The following ZNF44 variants were observed in gnomAD, a reference collection of about 807,000 sequenced individuals.
The protein encoded by ZNF44 is gonadotropin inducible transcription repressor-2.
ZNF44 carries 9 observed loss-of-function variants against 11.7 expected under a neutral mutation model. The observed-to-expected ratio is 0.77, with a 90% CI of 0.46 to 1.35. The LOEUF is 1.35. ZNF44 is among the 40% of genes most tolerant of loss of function. The pLI, the probability that ZNF44 is intolerant of heterozygous loss-of-function variation, is 0.00. For synonymous variants in ZNF44, 224 were observed against 242.7 expected (o/e 0.92, Z 0.72); for missense variants, 696 against 743.1 (o/e 0.94, Z 0.74).
At chr19:12,264,590 GAAGTT>G (rs1356370468) in intron 5 of ZNF44, among the ~76,000 whole-genome samples, 21 of 152,266 alleles carry the variant, frequency 1.4e-4, no homozygotes, top group African/African-American at 5.1e-4. Flanking sequence ...TTTGGAAAAT[GAAGTT>G]AATTATAAAT....
At chr19:12,262,251 A>G (rs1194728479) in intron 5 of ZNF44, among the ~76,000 whole-genome samples, 2 of 152,160 alleles carry the variant, frequency 1.3e-5, no homozygotes, top group Non-Finnish European at 1.5e-5. Flanking sequence ...TATCAATTAA[A>G]ATAAAAATTC....
At chr19:12,286,724 G>A (rs144868075) in intron 1 of ZNF44, among the ~76,000 whole-genome samples, 1 of 151,350 alleles carries the variant, frequency 6.6e-6, no homozygotes, top group East Asian at 1.9e-4. Context: ...GCTGAGGCAG[G>A]TGGATCTCTT....
At chr19:12,268,440 C>G (rs917899769), downstream of ZNF44, among the ~76,000 whole-genome samples, 7 of 152,136 alleles carry the variant, frequency 4.6e-5, no homozygotes, top group Non-Finnish European at 7.3e-5. Flanking sequence ...TTCTACTGGT[C>G]TATGTCTAAC....
At chr19:12,289,901 G>A (rs181244813) in intron 1 of ZNF44, among the ~76,000 whole-genome samples, 1 of 152,080 alleles carries the variant, frequency 6.6e-6, no homozygotes, top group East Asian at 2.0e-4. Context: ...AAAGTGGTGG[G>A]ATTACCGGCG....
At chr19:12,284,972 C>A (rs1370087498) in intron 1 of ZNF44, 4 of 726,010 alleles carry the variant, frequency 5.5e-6, no homozygotes, top group Non-Finnish European at 9.8e-6. Flanking sequence ...GTGACTGATA[C>A]ACCTCAGCCC....
chr19:12,294,625 A>C, intron 1 of ZNF44, 67 bp downstream of exon 1: 2 of 1,540,126 alleles, frequency 1.3e-6, no homozygotes, highest in Non-Finnish European at 1.8e-6. Flanking sequence ...GTCCCGCCAC[A>C]GCCGGTTCCG....
intron 1 of ZNF44, among the ~76,000 whole-genome samples, chr19:12,283,580 C>T (rs999972942): frequency 4.6e-5 from 7 of 152,128 alleles, no homozygotes; most frequent in Non-Finnish European, 8.8e-5. Flanking sequence ...CCGCCCTCCT[C>T]GGCCTCCCAA....
chr19:12,242,285 A>G (rs1377675060), upstream of ZNF44, among the ~76,000 whole-genome samples: 1 of 152,102 alleles, frequency 6.6e-6, no homozygotes. Flanking sequence ...AGGTGGGCAG[A>G]TCACATGAGG....
intron 1 of ZNF44, among the ~76,000 whole-genome samples, chr19:12,280,979 C>T (rs1349318621): frequency 6.6e-6 from 1 of 152,268 alleles, no homozygotes; most frequent in African/African-American, 2.4e-5. Flanking sequence ...AGGCAAAATA[C>T]ACAAATCTAG....
intron 3 of ZNF44, among the ~76,000 whole-genome samples, chr19:12,229,606 G>C (rs559605115): frequency 2.0e-5 from 3 of 147,218 alleles, no homozygotes; most frequent in Non-Finnish European, 4.4e-5. Context: ...GTTTTCATTA[G>C]GAAGAAAGAT....
chr19:12,238,944 T>TG, upstream of ZNF44, among the ~76,000 whole-genome samples: 1 of 152,242 alleles, frequency 6.6e-6, no homozygotes. Flanking sequence ...GGGATCAGTC[T>TG]GTGAGTTCCT....
intron 1 of ZNF44, among the ~76,000 whole-genome samples, chr19:12,283,363 T>C (rs1172699989): frequency 6.6e-6 from 1 of 152,202 alleles, no homozygotes; most frequent in African/African-American, 2.4e-5. Flanking sequence ...AGTCTCGCAC[T>C]GTCTACCCAG....
At chr19:12,237,495 G>C (rs1316430990) in exon 1 of ZNF44, 2 of 163,004 alleles carry the variant, frequency 1.2e-5, no homozygotes, top group Non-Finnish European at 2.7e-5. Flanking sequence ...CTTGGCTCCG[G>C]AGATCAGTGC....
Position 12,273,365 on chromosome 19 carries a change from C to T in ZNF44, c.890G>A (p.Arg297Gln), listed in dbSNP as rs769769956. The change falls in exon 4 of 4, where the codon CGA (arginine) becomes CAA (glutamine). Residue 297 changes from arginine (R) to glutamine (Q), a missense_variant. By Grantham distance (43) the Arg-to-Gln change is conservative. Coordinates refer to ENST00000355684, the MANE Select transcript of ZNF44 (RefSeq NM_016264.4). ...GKAFSVSGSL[R>Q]VHERIHTGEK... ...TCCAGTGTGAATTCTTTCATGTACT[C>T]GAAGGGAACCGGAAACACTGAAGGC... 5.0e-6 allele frequency: 8 copies of T among 1,613,586 alleles called. No individual in the cohort carries two copies. Among genetic ancestry groups the T allele is most frequent in the South Asian group, 1.1e-5 (1 of 91,014 alleles).
At chr19:12,280,724 A>G (rs753268137) in intron 1 of ZNF44, among the ~76,000 whole-genome samples, 6 of 152,196 alleles carry the variant, frequency 3.9e-5, no homozygotes, top group Non-Finnish European at 8.8e-5. Flanking sequence ...TTAAACAGAA[A>G]GACACAGATA....
chr19:12,234,061 TAAA>T (rs76369228), intron 2 of ZNF44, among the ~76,000 whole-genome samples: 1 of 133,448 alleles, frequency 7.5e-6, no homozygotes, highest in Non-Finnish European at 1.6e-5. Flanking sequence ...GACTCTGTCT[TAAA>T]AAAAAAAAAA....
At chr19:12,260,395 G>A in intron 5 of ZNF44, 1 of 1,433,146 alleles carries the variant, frequency 7.0e-7, no homozygotes, top group African/African-American at 1.4e-5. Flanking sequence ...GTCACGCTCA[G>A]CAGCATCAGA....
downstream of ZNF44, chr19:12,225,258 A>G (rs984855377): frequency 1.3e-5 from 2 of 152,306 alleles, no homozygotes; most frequent in African/African-American, 4.8e-5. Flanking sequence ...AATGGCCATG[A>G]TCCTGTCAGT....
chr19:12,260,163 G>A, intron 5 of ZNF44: 1 of 763,328 alleles, frequency 1.3e-6, no homozygotes, highest in Non-Finnish European at 2.4e-6. Flanking sequence ...GTGCAGAACT[G>A]CTCCAGTTTC....
Sources: gnomAD v4.1 joint callset for allele counts (sites outside exome capture counted in the v4.1 genomes callset) on GRCh38, gnomAD v4.1.1 for gene constraint, MANE v1.5 for transcripts, NCBI Gene and HGNC (gene_info 2026-07-23, HGNC 2026-07-21) for gene names.